FRMPD4: variants seen among roughly 807,000 people sequenced by gnomAD.
The protein encoded by FRMPD4 is FERM and PDZ domain containing 4.
FRMPD4 carries 22 observed loss-of-function variants against 94.1 expected under a neutral mutation model. That is an observed-to-expected ratio of 0.23 (90% confidence interval 0.17 to 0.33). The LOEUF (loss-of-function observed/expected upper bound fraction) is 0.33. Among genes scored for constraint, FRMPD4 ranks in the 10% least tolerant of loss-of-function variants. The probability of loss-of-function intolerance (pLI) is 1.00; values close to 1 mark genes in which losing one functional copy is unlikely to be tolerated. For missense variants in FRMPD4, 1,111 were observed against 1,339.9 expected (o/e 0.83, Z 2.67); for synonymous variants, 631 against 548.6 (o/e 1.15, Z -2.10).
intron 3 of FRMPD4, among the ~76,000 whole-genome samples, chrX:11,908,232 T>C (rs1249842771): frequency 8.9e-6 from 1 of 112,060 alleles, no homozygotes; most frequent in Non-Finnish European, 1.9e-5. Flanking sequence ...CTGGATCCTC[T>C]TGGGTCTTCC....
intron 3 of FRMPD4, among the ~76,000 whole-genome samples, chrX:12,083,683 G>C (rs1232272336): frequency 2.7e-5 from 3 of 112,772 alleles, no homozygotes; most frequent in African/African-American, 9.7e-5. Context: ...ACCCTGCAAA[G>C]CCACAGGGGC....
intron 2 of FRMPD4, among the ~76,000 whole-genome samples, chrX:12,558,903 G>A: frequency 8.9e-6 from 1 of 112,023 alleles, no homozygotes; most frequent in Admixed American, 9.5e-5. Context: ...ACAGTGAGAT[G>A]CTGTCCCTTA....
At chrX:12,171,630 A>G (rs979477557) in intron 1 of FRMPD4, among the ~76,000 whole-genome samples, 1 of 111,953 alleles carries the variant, frequency 8.9e-6, no homozygotes, top group Non-Finnish European at 1.9e-5. Flanking sequence ...TTTCAGAGTC[A>G]AAATCAAACA....
At chrX:12,463,684 T>TTTTTTG in intron 1 of FRMPD4, among the ~76,000 whole-genome samples, 1 of 88,778 alleles carries the variant, frequency 1.1e-5, no homozygotes, top group South Asian at 5.8e-4. Context: ...TGTGTGTGTT[T>TTTTTTG]TTTTTTTGTT....
At chrX:12,264,026 TG>T in intron 1 of FRMPD4, among the ~76,000 whole-genome samples, 1 of 111,156 alleles carries the variant, frequency 9.0e-6, no homozygotes, top group East Asian at 2.8e-4. Context: ...ACTGTTGCAT[TG>T]GGGATTAAGT....
intron 3 of FRMPD4, among the ~76,000 whole-genome samples, chrX:12,100,243 C>T (rs11796810): frequency 0.18 from 20,006 of 111,136 alleles, 1,322 homozygotes; most frequent in South Asian, 0.39. Flanking sequence ...CTTTCTAGAC[C>T]CAACAAATTG....
intron 2 of FRMPD4, among the ~76,000 whole-genome samples, chrX:12,573,816 T>G (rs2148365420): frequency 8.9e-6 from 1 of 112,060 alleles, no homozygotes; most frequent in Non-Finnish European, 1.9e-5. Flanking sequence ...CACAATGGCG[T>G]TTTTTGGATG....
chrX:12,342,307 G>A (rs1335637292), intron 1 of FRMPD4, among the ~76,000 whole-genome samples: 1 of 112,056 alleles, frequency 8.9e-6, no homozygotes, highest in African/African-American at 3.2e-5. Flanking sequence ...TGAGCCAGGT[G>A]ATGTTCAAAG....
intron 3 of FRMPD4, among the ~76,000 whole-genome samples, chrX:11,986,811 C>T (rs1038541426): frequency 2.7e-5 from 3 of 109,751 alleles, no homozygotes; most frequent in South Asian, 3.9e-4. Flanking sequence ...CTAGAGGAAA[C>T]GGATAAATTT....
At chrX:12,425,021 A>C (rs187224356) in intron 1 of FRMPD4, among the ~76,000 whole-genome samples, 34 of 112,747 alleles carry the variant, frequency 3.0e-4, no homozygotes, top group African/African-American at 1.1e-3. Flanking sequence ...TTCTTTAAAA[A>C]ATATTCCTAA....
chrX:12,587,197 G>A (rs780861733), intron 2 of FRMPD4, among the ~76,000 whole-genome samples: 28 of 110,671 alleles, frequency 2.5e-4, no homozygotes, highest in Non-Finnish European at 4.2e-4. Context: ...GGCTGGTCTC[G>A]AACTCCTGAC....
At chrX:12,537,560 C>T (rs1468376374) in intron 2 of FRMPD4, among the ~76,000 whole-genome samples, 1 of 105,854 alleles carries the variant, frequency 9.4e-6, no homozygotes, top group African/African-American at 3.5e-5. Flanking sequence ...TCAAGTGATC[C>T]TCCCACTTCA....
intron 1 of FRMPD4, among the ~76,000 whole-genome samples, chrX:12,464,147 G>T (rs1273556668): frequency 1.8e-5 from 2 of 111,685 alleles, no homozygotes; most frequent in African/African-American, 6.5e-5. Flanking sequence ...TGAAGCTGAA[G>T]TATTTATTCA....
At chrX:12,474,951 A>C (rs2057573245) in intron 1 of FRMPD4, among the ~76,000 whole-genome samples, 1 of 112,032 alleles carries the variant, frequency 8.9e-6, no homozygotes, top group Non-Finnish European at 1.9e-5. Flanking sequence ...AATCCTCCCT[A>C]ACTCATTTTA....
In FRMPD4 at chrX:12,490,672, G is replaced by T. The variant is rs892722015; in HGVS notation, c.42-8008G>T. Among the ~76,000 whole-genome samples, 4 of 111,633 alleles carry T rather than the reference G, an allele frequency of 3.6e-5. No homozygotes were observed. In the Admixed American group the frequency reaches 3.8e-4, roughly 11 times the overall value. Reference sequence around the variant, plus strand: ...AGGAGAAAGCTGATGTTTGGACAAGGATAAGGAACCTGGTTAAGCTCACAC... The same window carrying T: ...AGGAGAAAGCTGATGTTTGGACAAGTATAAGGAACCTGGTTAAGCTCACAC... On this transcript the variant is annotated intron_variant, in intron 1 of 16. Transcript: ENST00000675598.
chrX:12,263,234 T>C (rs781060506), intron 1 of FRMPD4, among the ~76,000 whole-genome samples: 57 of 111,698 alleles, frequency 5.1e-4, no homozygotes, highest in East Asian at 2.8e-4. Flanking sequence ...TATCACATAC[T>C]GTGTTTTTAC....
intron 3 of FRMPD4, among the ~76,000 whole-genome samples, chrX:11,934,635 T>C (rs193067052): frequency 2.7e-5 from 3 of 112,304 alleles, no homozygotes; most frequent in Non-Finnish European, 5.6e-5. Flanking sequence ...GAAGCCCTTG[T>C]CTTTTGTAAA....
At chrX:12,193,432 G>A (rs5935258) in intron 1 of FRMPD4, among the ~76,000 whole-genome samples, 27,461 of 108,696 alleles carry the variant, frequency 0.25, 2,966 homozygotes, top group Non-Finnish European at 0.34. Flanking sequence ...AGACATTTAT[G>A]CCTTTTGGAG....
At chrX:12,470,664 T>C (rs140720475) in intron 1 of FRMPD4, among the ~76,000 whole-genome samples, 386 of 112,211 alleles carry the variant, frequency 3.4e-3, no homozygotes, top group African/African-American at 0.012. Context: ...ATTTCAGATA[T>C]AATTATAACA....
Sources: allele counts gnomAD v4.1 joint callset (sites outside exome capture counted in the v4.1 genomes callset), GRCh38; gene constraint gnomAD v4.1.1; transcripts MANE v1.5; gene names NCBI Gene and HGNC (gene_info 2026-07-23, HGNC 2026-07-21).